The following ADGRG2 variants were observed in gnomAD, a reference collection of about 807,000 sequenced individuals.
The protein encoded by ADGRG2 is G protein-coupled receptor 64.
In ADGRG2, 26 loss-of-function variants were observed where a neutral mutation model predicts 74.1. The observed-to-expected ratio is 0.35, with a 90% CI of 0.26 to 0.49. The LOEUF is 0.49. ADGRG2 is among the 20% of genes least tolerant of loss of function. ADGRG2 has a pLI of 0.99. For synonymous variants in ADGRG2, 296 were observed against 295.2 expected (o/e 1.00, Z -0.03); for missense variants, 619 against 763.1 (o/e 0.81, Z 2.22).
At chrX:19,071,661 C>T (rs1280448921) in intron 2 of ADGRG2, among the ~76,000 whole-genome samples, 3 of 111,366 alleles carry the variant, frequency 2.7e-5, no homozygotes, top group Admixed American at 9.5e-5. Flanking sequence ...ACAAGGGAGG[C>T]TTCTGAGGTA....
intron 24 of ADGRG2, among the ~76,000 whole-genome samples, chrX:19,001,136 T>C (rs754599199): frequency 9.0e-6 from 1 of 111,439 alleles, no homozygotes; most frequent in Non-Finnish European, 1.9e-5. Context: ...TTGAAGACTT[T>C]GAGACCCAGT....
chrX:19,010,846 A>G, intron 16 of ADGRG2, 68 bp from the exon 17 acceptor site: 1 of 819,186 alleles, frequency 1.2e-6, no homozygotes, highest in East Asian at 3.3e-5. Context: ...ATAAACGTAC[A>G]TAGACCCTGT....
chrX:19,091,927 C>T (rs753755264), intron 1 of ADGRG2, among the ~76,000 whole-genome samples: 67 of 112,556 alleles, frequency 6.0e-4, no homozygotes, highest in African/African-American at 2.1e-3. Flanking sequence ...GATGGACATA[C>T]TGAGCAGTAT....
chrX:19,079,622 T>C (rs2061809646), intron 2 of ADGRG2, among the ~76,000 whole-genome samples: 1 of 112,152 alleles, frequency 8.9e-6, no homozygotes, highest in Admixed American at 9.5e-5. Context: ...TTGTATGTTG[T>C]TTGTCAGAGC....
At chrX:19,022,264 CAAAA>C (rs112588928) in intron 13 of ADGRG2, among the ~76,000 whole-genome samples, 2 of 94,228 alleles carry the variant, frequency 2.1e-5, no homozygotes, top group East Asian at 6.9e-4. Context: ...GACTCCATCT[CAAAA>C]AAAAAAAAAA....
At chrX:19,087,977 A>G (rs947887892) in intron 1 of ADGRG2, among the ~76,000 whole-genome samples, 9 of 110,866 alleles carry the variant, frequency 8.1e-5, no homozygotes, top group Admixed American at 2.9e-4. Flanking sequence ...GCTGGAGAAG[A>G]GAGTATCAAA....
At chrX:19,016,092 A>T (rs1040539258) in intron 15 of ADGRG2, among the ~76,000 whole-genome samples, 2 of 111,334 alleles carry the variant, frequency 1.8e-5, no homozygotes, top group African/African-American at 6.5e-5. Flanking sequence ...CTGGGCTCCC[A>T]CTCCAAACCA....
At chrX:19,073,917 C>T (rs911053963) in intron 2 of ADGRG2, among the ~76,000 whole-genome samples, 2 of 111,755 alleles carry the variant, frequency 1.8e-5, no homozygotes, top group Admixed American at 9.5e-5. Context: ...CTTACAAGAC[C>T]ACCACAAGGG....
chrX:19,035,984 TA>T lies in ADGRG2; in HGVS notation c.227-8del. 1.1e-6 allele frequency: 1 copy of T among 905,275 alleles called. No homozygotes were observed. Among genetic ancestry groups the T allele is most frequent in the Non-Finnish European group, 1.6e-6 (1 of 631,749 alleles). 74.6% of individuals were successfully genotyped at this position (905,275 alleles called of 1,213,427 possible). On this transcript the variant is annotated splice_polypyrimidine_tract_variant and splice_region_variant and intron_variant, in intron 6 of 28. Coordinates refer to ENST00000379869, the MANE Select transcript of ADGRG2 (RefSeq NM_001079858.3). ...AGTAAGCTTAAAGTAACATCTGAAA[TA>T]AAATAATAAAAATTAGCATAACTAC... is the stretch of plus-strand genomic sequence containing the variant.
intron 3 of ADGRG2, among the ~76,000 whole-genome samples, chrX:19,051,012 C>T (rs1046123063): frequency 6.3e-5 from 7 of 111,836 alleles, no homozygotes; most frequent in South Asian, 3.7e-4. Flanking sequence ...GAGACTGCTG[C>T]GTGGTGATAC....
chrX:18,997,133 T>C (rs1417953901), intron 26 of ADGRG2, among the ~76,000 whole-genome samples: 1 of 111,627 alleles, frequency 9.0e-6, no homozygotes, highest in East Asian at 2.8e-4. Flanking sequence ...AGGGTATATG[T>C]GCCCACCGTC....
At chrX:19,072,152 A>C (rs1460289564) in intron 2 of ADGRG2, among the ~76,000 whole-genome samples, 1 of 96,446 alleles carries the variant, frequency 1.0e-5, no homozygotes, top group Non-Finnish European at 2.0e-5. Flanking sequence ...TCCTTAAAAC[A>C]TTATGAGTTT....
At chrX:19,096,675 G>A (rs932696970) in intron 1 of ADGRG2, among the ~76,000 whole-genome samples, 4 of 111,452 alleles carry the variant, frequency 3.6e-5, no homozygotes, top group African/African-American at 1.3e-4. Context: ...GTGTAGGGAG[G>A]TGGTGAGGTA....
At chrX:19,094,552 G>C (rs1464815712) in intron 1 of ADGRG2, among the ~76,000 whole-genome samples, 1 of 111,755 alleles carries the variant, frequency 8.9e-6, no homozygotes, top group African/African-American at 3.3e-5. Flanking sequence ...TGCCTACCTT[G>C]ATGGGTTTGC....
At chrX:19,079,944 CTT>C (rs1374706388) in intron 2 of ADGRG2, among the ~76,000 whole-genome samples, 1 of 102,863 alleles carries the variant, frequency 9.7e-6, no homozygotes, top group Non-Finnish European at 2.0e-5. Flanking sequence ...GAGTTTTGCT[CTT>C]GTCACCCAGG....
At chrX:19,048,243 C>A (rs1007392140) in intron 3 of ADGRG2, among the ~76,000 whole-genome samples, 11 of 112,289 alleles carry the variant, frequency 9.8e-5, no homozygotes, top group Admixed American at 1.9e-4. Context: ...AAATAAAATG[C>A]AAATGTGTGT....
chrX:19,023,928 G>A lies in ADGRG2; in HGVS notation c.491C>T (p.Thr164Ile), dbSNP rs762095160. 6.7e-6 allele frequency: 8 copies of A among 1,187,961 alleles called. No individual in the cohort carries two copies. The African/African-American group carries it at 8.8e-5, about 13-fold the overall frequency. Residue 164 changes from threonine (T) to isoleucine (I), a missense_variant, in exon 12 of 29, where the codon ACC (threonine) becomes ATC (isoleucine). By Grantham distance (89) the Thr-to-Ile change is moderately conservative. Coordinates refer to ENST00000379869, the MANE Select transcript of ADGRG2 (RefSeq NM_001079858.3). ...SELKRSELNK[T>I]LQTLSETYFI... ...GATTACCTCACTTAGGGTTTGCAGG[G>A]TTTTGTTGAGCTCTGAGCGTCTGTA... is the stretch of plus-strand genomic sequence containing the variant.
At chrX:19,076,143 C>A (rs768831028) in intron 2 of ADGRG2, among the ~76,000 whole-genome samples, 1 of 112,158 alleles carries the variant, frequency 8.9e-6, no homozygotes, top group African/African-American at 3.2e-5. Flanking sequence ...CTTGGTCATC[C>A]CTTGGGTCTG....
chrX:19,029,776 A>C (rs1405972179), intron 9 of ADGRG2, among the ~76,000 whole-genome samples: 1 of 110,630 alleles, frequency 9.0e-6, no homozygotes, highest in Non-Finnish European at 1.9e-5. Context: ...ATTAGTCACC[A>C]GCCCAAAACA....
Sources: gnomAD v4.1 joint callset for allele counts (sites outside exome capture counted in the v4.1 genomes callset) on GRCh38, gnomAD v4.1.1 for gene constraint, MANE v1.5 for transcripts, NCBI Gene and HGNC (gene_info 2026-07-23, HGNC 2026-07-21) for gene names.